The following ZNF774 variants were observed in gnomAD, a reference collection of about 807,000 sequenced individuals.
ZNF774 encodes zinc finger protein 774.
A neutral mutation model predicts 11.1 loss-of-function variants in ZNF774; 14 were observed. The ratio of observed to expected loss-of-function variants is 1.26; its 90% CI spans 0.83 to 1.97. ZNF774 has a LOEUF of 1.97. Among genes scored for constraint, ZNF774 ranks in the 30% most tolerant of loss-of-function variants. The probability of loss-of-function intolerance (pLI) is 0.00; values close to 1 mark genes in which losing one functional copy is unlikely to be tolerated. For synonymous variants in ZNF774, 195 were observed against 212.6 expected (o/e 0.92, Z 0.72); for missense variants, 599 against 587.0 (o/e 1.02, Z -0.21).
intron 3 of ZNF774, among the ~76,000 whole-genome samples, chr15:90,359,656 C>T (rs1448354167): frequency 5.3e-5 from 8 of 151,900 alleles, no homozygotes; most frequent in Non-Finnish European, 1.0e-4. Context: ...AGTTTCACCA[C>T]GTTGGCCAGG....
rs180915384 is a variant in ZNF774, at chr15:90,361,340, A to T, written c.*57A>T. On this transcript the variant is annotated 3_prime_UTR_variant, in exon 4 of 4. Coordinates refer to ENST00000354377, the MANE Select transcript of ZNF774 (RefSeq NM_001004309.3). Reference sequence around the variant, plus strand: ...GCACATTTTCATTGCTACTGTCTTCAAGCACCCCAAATAGAGAAAACCTGG... The same window carrying T: ...GCACATTTTCATTGCTACTGTCTTCTAGCACCCCAAATAGAGAAAACCTGG... 2,398 of 1,524,186 alleles carry T rather than the reference A, an allele frequency of 1.6e-3. 57 individuals carry two copies. The South Asian group carries it at 0.027, about 17-fold the overall frequency. The allele number at this position is 1,524,186 out of a possible 1,614,324, so 94.4% of individuals were successfully genotyped here. A position where few individuals can be genotyped will look rare whatever the true frequency, so the allele number is the denominator to read the frequency against.
rs148575898 is a variant in ZNF774, at chr15:90,357,935, G to A, written c.105-916G>A. Reference sequence around the variant, plus strand: ...TTTTGAGATGGAGTCTCTCTCTGTCGTCCAGGCTGGAGTGCAGTGGTGTGA... The same window carrying A: ...TTTTGAGATGGAGTCTCTCTCTGTCATCCAGGCTGGAGTGCAGTGGTGTGA... On this transcript the variant is annotated intron_variant, in intron 2 of 3. Transcript: ENST00000354377. Among the ~76,000 whole-genome samples, 584 of 144,506 alleles carry A rather than the reference G, an allele frequency of 4.0e-3. 3 individuals carry two copies. Among genetic ancestry groups the A allele is most frequent in the African/African-American group, 0.014 (560 of 38,918 alleles). 94.8% of individuals were successfully genotyped at this position (144,506 alleles called of 152,430 possible).
intron 1 of ZNF774, among the ~76,000 whole-genome samples, chr15:90,353,252 C>T (rs1964198748): frequency 6.6e-6 from 1 of 152,072 alleles, no homozygotes; most frequent in African/African-American, 2.4e-5. Flanking sequence ...CAGTCATGAG[C>T]CACAGCACCT....
Position 90,361,186 on chromosome 15 carries a change from C to G in ZNF774, c.1355C>G (p.Thr452Arg). ...TCCCATTTCCTCACACACCAGAGAA[C>G]GCATACAGGAGAAAAACCTTTCCAC... ...QRSHFLTHQR[T>R]HTGEKPFHCS... The change falls in exon 4 of 4, where the codon ACG becomes AGG. Residue 452 changes from threonine (T) to arginine (R), a missense_variant. Physicochemically the swap from Thr to Arg is moderately conservative, Grantham distance 71. Coordinates refer to ENST00000354377, the MANE Select transcript of ZNF774 (RefSeq NM_001004309.3). 8 of 1,614,154 alleles carry G rather than the reference C, an allele frequency of 5.0e-6. No individual in the cohort carries two copies. The highest frequency in any genetic ancestry group is 6.8e-6 in the Non-Finnish European group (8 of 1,180,018).
rs11299715 is a variant in ZNF774, at chr15:90,353,594, A to AT, written c.-19-1034dup. Among the ~76,000 whole-genome samples, 824 of 141,002 alleles carry AT rather than the reference A, an allele frequency of 5.8e-3. 4 individuals are homozygous for AT. The highest frequency in any genetic ancestry group is 0.017 in the African/African-American group (635 of 38,092). The allele number at this position is 141,002 out of a possible 152,430, so 92.5% of individuals were successfully genotyped here. A position where few individuals can be genotyped will look rare whatever the true frequency, so the allele number is the denominator to read the frequency against. On this transcript the variant is annotated intron_variant, in intron 1 of 3. Transcript: ENST00000354377. Reference sequence around the variant, plus strand: ...TGTAGTGGGTGGTCATGCTGGCTGCATTTTTTTTTTTTTTAAGGGAGAGAC... The same window carrying AT: ...TGTAGTGGGTGGTCATGCTGGCTGCATTTTTTTTTTTTTTTAAGGGAGAGAC...
At chr15:90,355,739 A>C (rs1226515689) in intron 2 of ZNF774, among the ~76,000 whole-genome samples, 1 of 144,306 alleles carries the variant, frequency 6.9e-6, no homozygotes, top group Non-Finnish European at 1.5e-5. Flanking sequence ...AAAAAAAAAA[A>C]AAAAAACAAG....
chr15:90,357,242 C>T (rs915839763), intron 2 of ZNF774, among the ~76,000 whole-genome samples: 4 of 150,676 alleles, frequency 2.7e-5, no homozygotes, highest in Non-Finnish European at 5.9e-5. Context: ...TGTGGCAGCT[C>T]ATGTCTATAA....
At chr15:90,352,701 A>G (rs1964189767) in intron 1 of ZNF774, among the ~76,000 whole-genome samples, 1 of 152,052 alleles carries the variant, frequency 6.6e-6, no homozygotes, top group Admixed American at 6.6e-5. Flanking sequence ...ACCGAGAAGA[A>G]GAACGGGGTT....
chr15:90,360,822 A>G lies in ZNF774; in HGVS notation c.991A>G (p.Ser331Gly), dbSNP rs1264647058. The G allele has an allele frequency of 6.2e-7, 1 of 1,614,160 alleles. No homozygotes were observed. Among genetic ancestry groups the G allele is most frequent in the Non-Finnish European group, 8.5e-7 (1 of 1,180,028 alleles). Residue 331 changes from serine to glycine, a missense_variant, in exon 4 of 4, where the codon AGT (serine) becomes GGT (glycine). Transcript: ENST00000354377. ...CPECGKGFRDSSHFVAHMSTH... is the reference protein window; with the variant it reads ...CPECGKGFRDGSHFVAHMSTH... ...GGAGTGCGGGAAGGGCTTCAGAGAT[A>G]GTTCTCATTTTGTAGCTCACATGAG...
chr15:90,355,319 T>C (rs745830806), intron 2 of ZNF774: 4 of 456,138 alleles, frequency 8.8e-6, no homozygotes, highest in African/African-American at 4.0e-5. Context: ...TCATAACTTT[T>C]TGACTTATGT....
chr15:90,360,763 G>C lies in ZNF774; in HGVS notation c.932G>C (p.Arg311Pro). 1.9e-6 allele frequency: 3 copies of C among 1,614,112 alleles called. No homozygotes were observed. The highest frequency in any genetic ancestry group is 2.5e-6 in the Non-Finnish European group (3 of 1,180,020). The stretch of plus-strand genomic sequence containing the variant: ...AGCTCGGATTTGATTAAGCACCAAC[G>C]AACCCACACGGGAGAACGGCCCTTC... ...SQSSDLIKHQ[R>P]THTGERPFKC... Residue 311 changes from arginine (R) to proline (P), a missense_variant, in exon 4 of 4, where the codon CGA (arginine) becomes CCA (proline). Coordinates refer to ENST00000354377, the MANE Select transcript of ZNF774 (RefSeq NM_001004309.3).
chr15:90,359,992 C>G, intron 3 of ZNF774, 51 bp from the exon 4 acceptor site: 1 of 1,525,060 alleles, frequency 6.6e-7, no homozygotes. Flanking sequence ...TCTGATATTC[C>G]TTCCTGATAA....
intron 2 of ZNF774, among the ~76,000 whole-genome samples, chr15:90,356,945 TAGGTCATTTCTAAACTTTCACC>T (rs1238195047): frequency 6.6e-6 from 1 of 152,032 alleles, no homozygotes; most frequent in Non-Finnish European, 1.5e-5. Flanking sequence ...GTGGGACATT[TAGGTCATTTCTAAACTTTCACC>T]AGGTTGTGAT....
chr15:90,354,619 C>A, intron 1 of ZNF774, 23 bp from the exon 2 acceptor site: 2 of 1,463,072 alleles, frequency 1.4e-6, no homozygotes, highest in Non-Finnish European at 1.9e-6. Context: ...GCTACTGATG[C>A]ACATTGAGGT....
rs1260985863 is a variant in ZNF774, at chr15:90,360,076, A to G, written c.245A>G (p.Asp82Gly). The G allele has an allele frequency of 1.9e-6, 3 of 1,613,604 alleles. No individual in the cohort carries two copies. In the African/African-American group the frequency reaches 4.0e-5, roughly 22 times the overall value. ...CEHQVAKLNQDNSETAEQCGT... is the reference protein window; with the variant it reads ...CEHQVAKLNQGNSETAEQCGT... ...CATCAGGTGGCAAAGCTCAATCAGG[A>G]CAATTCTGAAACAGCAGAACAATGT... Residue 82 changes from aspartate to glycine, a missense_variant, in exon 4 of 4, where the codon GAC becomes GGC. By Grantham distance (94) the Asp-to-Gly change is moderately conservative (BLOSUM62 -1). Coordinates refer to ENST00000354377, the MANE Select transcript of ZNF774 (RefSeq NM_001004309.3).
In ZNF774 at chr15:90,360,888, C is replaced by A; in HGVS notation, c.1057C>A (p.His353Asn). 4 of 1,614,066 alleles carry A rather than the reference C, an allele frequency of 2.5e-6. No individual in the cohort carries two copies. Among genetic ancestry groups the A allele is most frequent in the Non-Finnish European group, 3.4e-6 (4 of 1,180,006 alleles). ...GERPFSCPDC[H>N]KSFSQSSHLV... The stretch of plus-strand genomic sequence containing the variant: ...GAGGCCTTTCAGTTGTCCTGACTGC[C>A]ACAAAAGCTTCAGTCAGAGCTCACA... The change falls in exon 4 of 4, where the codon CAC becomes AAC. Residue 353 changes from histidine (H) to asparagine (N), a missense_variant. By Grantham distance (68) the His-to-Asn change is moderately conservative. Transcript: ENST00000354377.
intron 2 of ZNF774, 35 bp downstream of exon 2, chr15:90,354,799 A>C (rs781159139): frequency 3.9e-6 from 6 of 1,548,952 alleles, no homozygotes; most frequent in South Asian, 1.2e-5. Flanking sequence ...TCATTTATTT[A>C]TCTTGTTTTT....
intron 3 of ZNF774, among the ~76,000 whole-genome samples, chr15:90,359,159 G>A (rs1360303577): frequency 1.4e-5 from 2 of 144,524 alleles, no homozygotes; most frequent in African/African-American, 5.2e-5. Context: ...TGCAAGCTCC[G>A]CTTCCCGGGT....
intron 1 of ZNF774, among the ~76,000 whole-genome samples, chr15:90,354,325 C>T (rs1013343915): frequency 6.6e-6 from 1 of 152,180 alleles, no homozygotes; most frequent in African/African-American, 2.4e-5. Context: ...TTACACCTGC[C>T]AACTCTCTCC....
Sources: allele counts gnomAD v4.1 joint callset (sites outside exome capture counted in the v4.1 genomes callset), GRCh38; gene constraint gnomAD v4.1.1; transcripts MANE v1.5; gene names NCBI Gene and HGNC (gene_info 2026-07-23, HGNC 2026-07-21).